FNIP1: variants seen among roughly 807,000 people sequenced by gnomAD.
FNIP1 encodes folliculin interacting protein 1.
Under a neutral mutation model 124.5 loss-of-function variants are expected in FNIP1, and 40 were observed. That is an observed-to-expected ratio of 0.32 (90% confidence interval 0.25 to 0.42). FNIP1 has a LOEUF of 0.42. Ranked by LOEUF, FNIP1 falls within the 10% of genes least tolerant of loss-of-function variation. FNIP1 has a pLI of 1.00. For missense variants in FNIP1, 1,176 were observed against 1,403.7 expected, an observed-to-expected ratio of 0.84 and a Z score of 2.59; for synonymous variants, 472 against 470.6, an observed-to-expected ratio of 1.00 and a Z score of -0.04.
At chr5:131,653,024 A>G (rs1767085686) in intron 15 of FNIP1, among the ~76,000 whole-genome samples, 1 of 152,198 alleles carries the variant, frequency 6.6e-6, no homozygotes, top group South Asian at 2.1e-4. Context: ...AAATAAGTCA[A>G]TGGTAAGATT....
intron 1 of FNIP1, among the ~76,000 whole-genome samples, chr5:131,758,587 G>A (rs1395064067): frequency 6.6e-6 from 1 of 152,088 alleles, no homozygotes; most frequent in Non-Finnish European, 1.5e-5. Context: ...TTTAAACGTT[G>A]GTAAGAAAAC....
chr5:131,704,818 C>G (rs1048081642), intron 9 of FNIP1, among the ~76,000 whole-genome samples: 6 of 151,936 alleles, frequency 3.9e-5, no homozygotes, highest in Non-Finnish European at 8.8e-5. Flanking sequence ...AAGACCTAAA[C>G]ATAAAACTCT....
intron 10 of FNIP1, among the ~76,000 whole-genome samples, chr5:131,700,675 CAA>C (rs1320794305): frequency 6.6e-6 from 1 of 151,588 alleles, no homozygotes; most frequent in Non-Finnish European, 1.5e-5. Flanking sequence ...TCACAAATCT[CAA>C]AAGATAGAAG....
intron 3 of FNIP1, among the ~76,000 whole-genome samples, chr5:131,726,450 C>A (rs2149547177): frequency 6.6e-6 from 1 of 152,148 alleles, no homozygotes; most frequent in East Asian, 1.9e-4. Flanking sequence ...AGGAATTTAT[C>A]CATTTCTTCT....
At chr5:131,731,647 A>T (rs937622334) in intron 2 of FNIP1, among the ~76,000 whole-genome samples, 2 of 151,914 alleles carry the variant, frequency 1.3e-5, no homozygotes, top group Non-Finnish European at 1.5e-5. Flanking sequence ...GTTTCAAAAA[A>T]AAAAACAAAA....
At chr5:131,712,954 T>C (rs1482119423) in intron 6 of FNIP1, among the ~76,000 whole-genome samples, 2 of 152,374 alleles carry the variant, frequency 1.3e-5, no homozygotes, top group South Asian at 2.1e-4. Flanking sequence ...TATTACCTTA[T>C]AGCAGTAATT....
chr5:131,681,365 G>C (rs927089239), intron 11 of FNIP1, among the ~76,000 whole-genome samples: 16 of 152,132 alleles, frequency 1.1e-4, no homozygotes, highest in Admixed American at 8.5e-4. Context: ...TCAAAAGCCT[G>C]ATTATGCACA....
At chr5:131,685,384 T>C (rs1287834190) in intron 11 of FNIP1, among the ~76,000 whole-genome samples, 2 of 152,018 alleles carry the variant, frequency 1.3e-5, no homozygotes, top group East Asian at 1.9e-4. Context: ...TGATTATTCA[T>C]TGCACATTTC....
At chr5:131,727,370 T>C (rs1221133176) in intron 3 of FNIP1, among the ~76,000 whole-genome samples, 2 of 152,194 alleles carry the variant, frequency 1.3e-5, no homozygotes, top group Non-Finnish European at 2.9e-5. Flanking sequence ...AGTTAGCTCT[T>C]CTTGTTACAC....
intron 1 of FNIP1, among the ~76,000 whole-genome samples, chr5:131,780,499 C>A (rs1463789254): frequency 6.6e-6 from 1 of 151,452 alleles, no homozygotes. Context: ...ATTTTTTTTA[C>A]AAATTGAAGG....
intron 1 of FNIP1, among the ~76,000 whole-genome samples, chr5:131,788,314 GAAGTTATTTTAAGC>G (rs1301131113): frequency 6.6e-6 from 1 of 152,090 alleles, no homozygotes; most frequent in African/African-American, 2.4e-5. Flanking sequence ...TTTTACATGG[GAAGTTATTTTAAGC>G]AAGTTTAAAA....
At chr5:131,675,257 G>C (rs1767876698) in intron 13 of FNIP1, among the ~76,000 whole-genome samples, 1 of 152,052 alleles carries the variant, frequency 6.6e-6, no homozygotes, top group Admixed American at 6.6e-5. Flanking sequence ...ACAAAAGTAG[G>C]CTCCCCTGTT....
At chr5:131,690,529 G>A (rs1457306815) in intron 11 of FNIP1, among the ~76,000 whole-genome samples, 5 of 151,998 alleles carry the variant, frequency 3.3e-5, no homozygotes, top group East Asian at 1.9e-4. Context: ...CCCTTCGCTC[G>A]GCACTTTTCC....
rs530481157 is a variant in FNIP1 at position 131,740,123 on chromosome 5, GT to G, written c.219+4440del. On this transcript the variant is annotated intron_variant, in intron 2 of 17. Transcript: ENST00000510461. ...TTAGCCTTTCCATTTGTTAAGGTAC[GT>G]TTTTACGTCCCTTAAGAAGACTTTT... is the stretch of plus-strand genomic sequence containing the variant. Among the ~76,000 whole-genome samples, 482 of 152,240 alleles carry G rather than the reference GT, an allele frequency of 3.2e-3. 3 individuals are homozygous for G. Among genetic ancestry groups the G allele is most frequent in the African/African-American group, 0.011 (459 of 41,550 alleles).
chr5:131,781,458 T>G (rs1049003512), intron 1 of FNIP1, among the ~76,000 whole-genome samples: 1 of 152,186 alleles, frequency 6.6e-6, no homozygotes, highest in African/African-American at 2.4e-5. Context: ...GACTCTCCTG[T>G]TAGGGGCTAA....
At chr5:131,652,020 C>T (rs1487728889) in intron 15 of FNIP1, 21 bp from the exon 16 acceptor site, 6 of 1,594,460 alleles carry the variant, frequency 3.8e-6, no homozygotes, top group Non-Finnish European at 5.1e-6. Flanking sequence ...AAGAATAATT[C>T]ATCTTATGTT....
intron 11 of FNIP1, among the ~76,000 whole-genome samples, chr5:131,688,996 A>G (rs986225271): frequency 3.9e-5 from 6 of 152,076 alleles, no homozygotes; most frequent in South Asian, 2.1e-4. Flanking sequence ...CTCACAGAAC[A>G]CCAAGCAGGA....
intron 16 of FNIP1, among the ~76,000 whole-genome samples, chr5:131,647,956 C>A (rs1045633868): frequency 6.6e-6 from 1 of 151,606 alleles, no homozygotes; most frequent in African/African-American, 2.4e-5. Flanking sequence ...GATGTATTCT[C>A]CTGTGGAGAA....
chr5:131,796,560 A>G, intron 1 of FNIP1: 1 of 517,638 alleles, frequency 1.9e-6, no homozygotes. Flanking sequence ...CCGGAGGAGC[A>G]GAGTCGCGCG....
Sources: allele counts gnomAD v4.1 joint callset (sites outside exome capture counted in the v4.1 genomes callset), GRCh38; gene constraint gnomAD v4.1.1; transcripts MANE v1.5; gene names NCBI Gene and HGNC (gene_info 2026-07-23, HGNC 2026-07-21).